COL5A1: variants seen among roughly 807,000 people sequenced by gnomAD.
COL5A1 encodes the protein collagen alpha-1(V) chain.
Under a neutral mutation model 263.7 loss-of-function variants are expected in COL5A1, and 16 were observed. The observed-to-expected ratio is 0.06, with a 90% confidence interval of 0.04 to 0.09. The LOEUF (loss-of-function observed/expected upper bound fraction) is 0.09, where lower values mean the gene tolerates loss of function less well. Among genes scored for constraint, COL5A1 ranks in the 10% least tolerant of loss-of-function variants. The pLI, the probability that COL5A1 is intolerant of heterozygous loss-of-function variation, is 1.00. For missense variants in COL5A1, 2,036 were observed against 2,540.5 expected (o/e 0.80, Z 4.27); for synonymous variants, 1,012 against 1,004.5 (o/e 1.01, Z -0.14).
chr9:134,814,947 G>T, intron 50 of COL5A1, 43 bp downstream of exon 50: 3 of 1,384,510 alleles, frequency 2.2e-6, no homozygotes, highest in Non-Finnish European at 3.0e-6. Context: ...CAGCAGGGGC[G>T]GGGCTCTGCA....
chr9:134,698,364 G>A (rs761372348), intron 2 of COL5A1, among the ~76,000 whole-genome samples: 15 of 152,278 alleles, frequency 9.9e-5, no homozygotes, highest in Non-Finnish European at 1.8e-4. Context: ...CAGTGCCTTA[G>A]TGAGAGATTC....
chr9:134,768,168 G>T (rs1435231342), intron 24 of COL5A1, among the ~76,000 whole-genome samples: 2 of 152,216 alleles, frequency 1.3e-5, no homozygotes, highest in Non-Finnish European at 2.9e-5. Context: ...AAGAATGGGG[G>T]CACTTGGTGG....
chr9:134,823,051 C>A lies in COL5A1; in HGVS notation c.4644+18C>A. On this transcript the variant is annotated intron_variant, in intron 60 of 65. Coordinates refer to ENST00000371817, the MANE Select transcript of COL5A1 (RefSeq NM_000093.5). ...GCTCCTCGGTAAGTAACATGCTGCC[C>A]AGCCAGGCCAATGCCTGGAAGGTAG... The A allele has an allele frequency of 3.1e-6, 5 of 1,614,082 alleles. No individual in the cohort carries two copies. The South Asian group carries it at 5.5e-5, about 18-fold the overall frequency.
Position 134,753,026 on chromosome 9 carries a change from C to T in COL5A1, c.1719+381C>T, listed in dbSNP as rs187263858. 1.7e-4 allele frequency among the ~76,000 whole-genome samples: 26 copies of T among 152,222 alleles called. No individual in the cohort carries two copies. The South Asian group carries it at 4.4e-3, about 25-fold the overall frequency. On this transcript the variant is annotated intron_variant, in intron 14 of 65. Coordinates refer to ENST00000371817, the MANE Select transcript of COL5A1 (RefSeq NM_000093.5). ...TTCCAGGCTCCCCCTGCAGAGAACA[C>T]GCTATGAGCTGTCACCAGAGGAGTG...
chr9:134,819,753 T>A (rs1363470462), intron 57 of COL5A1, among the ~76,000 whole-genome samples: 1 of 152,230 alleles, frequency 6.6e-6, no homozygotes, highest in African/African-American at 2.4e-5. Context: ...GTCCACAAAC[T>A]TTGTTTTAGT....
chr9:134,829,908 C>T, intron 63 of COL5A1, 68 bp from the exon 64 acceptor site: 3 of 1,534,160 alleles, frequency 2.0e-6, no homozygotes, highest in Non-Finnish European at 2.7e-6. Context: ...GGGCCTTGCT[C>T]TGGAGGCCGG....
chr9:134,684,220 C>A (rs1832943975), intron 1 of COL5A1, among the ~76,000 whole-genome samples: 1 of 152,222 alleles, frequency 6.6e-6, no homozygotes, highest in African/African-American at 2.4e-5. Context: ...TGCTCGGGCA[C>A]CAGTGGACGA....
Position 134,696,774 on chromosome 9 carries a change from A to G in COL5A1, c.278-3135A>G, listed in dbSNP as rs1281269114. Among the ~76,000 whole-genome samples the G allele has an allele frequency of 6.6e-6, 1 of 152,180 alleles. No homozygotes were observed. The highest frequency in any genetic ancestry group is 1.5e-5 in the Non-Finnish European group (1 of 68,032). On this transcript the variant is annotated intron_variant, in intron 2 of 65. Transcript: ENST00000371817. This position sits in a 1 kb window ranked among gnomAD's most constrained non-coding sequence, Gnocchi z 4.3. ...GTGCCTTTGGACTTCAGCAGAAGTAAAAGTGAAAAGCTCTGGCCGGGCGGG... is the reference window on the plus strand; with the variant it reads ...GTGCCTTTGGACTTCAGCAGAAGTAGAAGTGAAAAGCTCTGGCCGGGCGGG...
At chr9:134,730,199 C>A (rs201900435) in intron 6 of COL5A1, 37 bp from the exon 7 acceptor site, 1 of 1,609,840 alleles carries the variant, frequency 6.2e-7, no homozygotes, top group Non-Finnish European at 8.5e-7. Context: ...TGCCGGCCTC[C>A]GCCCTGACTC....
At chr9:134,798,558 C>G in intron 37 of COL5A1, 97 bp downstream of exon 37, 1 of 1,127,322 alleles carries the variant, frequency 8.9e-7, no homozygotes, top group Non-Finnish European at 1.3e-6. Context: ...CTAGGACCCT[C>G]CTGGCCTGGG....
chr9:134,799,789 T>C lies in COL5A1; in HGVS notation c.2952+1328T>C, dbSNP rs546699452. Among the ~76,000 whole-genome samples the C allele has an allele frequency of 1.7e-4, 26 of 152,380 alleles. No homozygotes were observed. The South Asian group carries it at 5.4e-3, about 32-fold the overall frequency. ...AAAAATTAAAACATTTCTTCTGAGCTTTGCATATTTTTCTCTAATGCCTTT... is the reference window on the plus strand; with the variant it reads ...AAAAATTAAAACATTTCTTCTGAGCCTTGCATATTTTTCTCTAATGCCTTT... On this transcript the variant is annotated intron_variant, in intron 37 of 65. Coordinates refer to ENST00000371817, the MANE Select transcript of COL5A1 (RefSeq NM_000093.5).
At chr9:134,835,331 T>G (rs1839815813) in intron 65 of COL5A1, 127 bp downstream of exon 65, 2 of 806,494 alleles carry the variant, frequency 2.5e-6, no homozygotes, top group African/African-American at 3.4e-5. Context: ...GACCAGACTC[T>G]CGCCCCAGGC....
intron 9 of COL5A1, among the ~76,000 whole-genome samples, chr9:134,737,347 GGGC>G (rs1332437985): frequency 5.3e-5 from 8 of 152,336 alleles, no homozygotes; most frequent in African/African-American, 1.9e-4. Context: ...AGCCTTGGCT[GGGC>G]GGCTGACGGG....
rs773975277 is a variant in COL5A1, at chr9:134,842,169, T to C, written c.5383T>C (p.Tyr1795His). ...CCCTCTTCCCCAGACCAAGAAAGGC[T>C]ACCAGAAGACGGTTCTGGAGATCGA... ...LVDGCATKKG[Y>H]QKTVLEIDTP... Residue 1795 changes from tyrosine to histidine, a missense_variant, in exon 66 of 66, where the codon TAC (tyrosine) becomes CAC (histidine). By Grantham distance (83) the Tyr-to-His change is moderately conservative (BLOSUM62 2). Coordinates refer to ENST00000371817, the MANE Select transcript of COL5A1 (RefSeq NM_000093.5). This position sits in a 1 kb window ranked among gnomAD's most constrained non-coding sequence, Gnocchi z 5.8. 6.2e-7 allele frequency: 1 copy of C among 1,613,932 alleles called. No individual in the cohort carries two copies. The highest frequency in any genetic ancestry group is 8.5e-7 in the Non-Finnish European group (1 of 1,179,962).
chr9:134,831,278 G>T (rs1222959664), intron 64 of COL5A1, among the ~76,000 whole-genome samples: 2 of 152,024 alleles, frequency 1.3e-5, no homozygotes, highest in Non-Finnish European at 2.9e-5. Flanking sequence ...TGCCCTCATT[G>T]TTGTTGGTTT....
In COL5A1 at chr9:134,703,627, G is replaced by GTTT. The variant is rs55882557; in HGVS notation, c.654+2320_654+2322dup. ...ATGGGAGGCCACGCGGTGGCCTCGG[G>GTTT]TTTTTTTTTTTTTTTTTTTTTTTTT... On this transcript the variant is annotated intron_variant, in intron 4 of 65. Transcript: ENST00000371817. Among the ~76,000 whole-genome samples, 88 of 73,300 alleles carry GTTT rather than the reference G, an allele frequency of 1.2e-3. 7 individuals are homozygous for GTTT. Among genetic ancestry groups the GTTT allele is most frequent in the African/African-American group, 4.4e-3 (78 of 17,584 alleles). The allele number at this position is 73,300 out of a possible 152,430, so 48.1% of individuals were successfully genotyped here. A position where few individuals can be genotyped will look rare whatever the true frequency, so the allele number is the denominator to read the frequency against.
intron 64 of COL5A1, chr9:134,830,269 T>C (rs901284145): frequency 5.3e-6 from 7 of 1,314,578 alleles, no homozygotes; most frequent in Admixed American, 2.0e-5. Flanking sequence ...CTGCCATGTG[T>C]GCCACACCGC....
chr9:134,659,294 C>T (rs1230301888), intron 1 of COL5A1, among the ~76,000 whole-genome samples: 1 of 152,182 alleles, frequency 6.6e-6, no homozygotes, highest in Non-Finnish European at 1.5e-5. Flanking sequence ...GAGGCTGAGG[C>T]AGGAGAATTG....
rs770345853 is a variant in COL5A1, at chr9:134,678,755, G to A, written c.110-12157G>A. ...TGCAGACAAAATGAAACTGGCCCTC[G>A]CTGGAGGAACGGGTGGGCCGGGCCC... On this transcript the variant is annotated intron_variant, in intron 1 of 65. Coordinates refer to ENST00000371817, the MANE Select transcript of COL5A1 (RefSeq NM_000093.5). This position sits in a 1 kb window ranked among gnomAD's most constrained non-coding sequence, Gnocchi z 5.5. 5.9e-5 allele frequency among the ~76,000 whole-genome samples: 9 copies of A among 152,216 alleles called. No individual in the cohort carries two copies. The highest frequency in any genetic ancestry group is 8.8e-5 in the Non-Finnish European group (6 of 68,032).
Sources: allele counts gnomAD v4.1 joint callset (sites outside exome capture counted in the v4.1 genomes callset), GRCh38; gene constraint gnomAD v4.1.1; non-coding constraint Gnocchi (gnomAD v3.1); transcripts MANE v1.5; gene names NCBI Gene and HGNC (gene_info 2026-07-23, HGNC 2026-07-21).